The following PANX2 variants were observed in gnomAD, a reference collection of about 807,000 sequenced individuals.
PANX2 encodes pannexin 2.
PANX2 carries 30 observed loss-of-function variants against 38.7 expected under a neutral mutation model. The observed-to-expected ratio is 0.78, with a 90% CI of 0.58 to 1.05. PANX2 has a LOEUF of 1.05. Among genes scored for constraint, PANX2 ranks in the 50% least tolerant of loss-of-function variants. The probability of loss-of-function intolerance (pLI) is 0.00; values close to 1 mark genes in which losing one functional copy is unlikely to be tolerated. For synonymous variants in PANX2, 539 were observed against 472.1 expected (o/e 1.14, Z -1.84); for missense variants, 880 against 979.3 (o/e 0.90, Z 1.35).
chr22:50,175,792 G>A (rs947243932), intron 1 of PANX2, among the ~76,000 whole-genome samples: 1 of 152,266 alleles, frequency 6.6e-6, no homozygotes, highest in African/African-American at 2.4e-5. Context: ...TTGCTGAGCC[G>A]GGTTCAGGGC....
chr22:50,173,447 A>G (rs2063645549), intron 1 of PANX2, among the ~76,000 whole-genome samples: 2 of 152,260 alleles, frequency 1.3e-5, no homozygotes, highest in African/African-American at 4.8e-5. Flanking sequence ...GGCCGAGCGC[A>G]GCCCCTGATG....
chr22:50,176,918 G>A, intron 1 of PANX2, 21 bp from the exon 2 acceptor site: 1 of 1,507,526 alleles, frequency 6.6e-7, no homozygotes, highest in Non-Finnish European at 8.8e-7. Flanking sequence ...GCCCCAGCCC[G>A]TGTCTCCTCT....
At chr22:50,171,884 A>G (rs2063634329) in intron 1 of PANX2, among the ~76,000 whole-genome samples, 2 of 152,136 alleles carry the variant, frequency 1.3e-5, no homozygotes, top group African/African-American at 2.4e-5. Context: ...TCCAAACCTC[A>G]GCAGACCCTG....
In PANX2 at chr22:50,179,200, GC is replaced by G; in HGVS notation, c.1959del (p.Ile654SerfsTer19). 6.2e-7 allele frequency: 1 copy of G among 1,612,680 alleles called. No homozygotes were observed. Among genetic ancestry groups the G allele is most frequent in the Non-Finnish European group, 8.5e-7 (1 of 1,179,896 alleles). On this transcript the variant is annotated frameshift_variant, in exon 3 of 3. Transcript: ENST00000395842. LOFTEE classifies it high-confidence loss of function. ...RLPQDVGDLI[A>X]IPAPQQILIA... ...GCCGCAGGACGTGGGGGACCTCATC[GC>G]CATCCCTGCCCCACAGCAGATCCTC...
In PANX2 at chr22:50,177,029, C is replaced by T. The variant is rs1396812916; in HGVS notation, c.317C>T (p.Ala106Val). ...TACTGCTGGACGGAGCTGCGGGACG[C>T]GCTGCCCGGCGTGGACGCCAGCCTG... ...RGYCWTELRD[A>V]LPGVDASLWP... Residue 106 changes from alanine to valine, a missense_variant, in exon 2 of 3, where the codon GCG (alanine) becomes GTG (valine). Ala to Val is a moderately conservative substitution (Grantham distance 64). Transcript: ENST00000395842. 1.2e-6 allele frequency: 2 copies of T among 1,605,736 alleles called. No homozygotes were observed. Among genetic ancestry groups the T allele is most frequent in the Admixed American group, 1.7e-5 (1 of 59,490 alleles).
rs141940015 is a variant in PANX2, at chr22:50,175,913, C to T, written c.227-1026C>T. Among the ~76,000 whole-genome samples the T allele has an allele frequency of 5.1e-4, 77 of 152,340 alleles. 1 individual carries two copies. The East Asian group carries it at 0.012, about 24-fold the overall frequency. ...CGCTTTCCGTCCCTAATTCAGGCCT[C>T]GGCACAGACGGACAGGCCTGTCCCT... On this transcript the variant is annotated intron_variant, in intron 1 of 2. Transcript: ENST00000395842.
rs1172864152 is a variant in PANX2, at chr22:50,178,323, C to A, written c.1611C>A (p.Pro537=). Residue 537 remains proline (P), a synonymous_variant, in exon 2 of 3, where the codon CCC becomes CCA. Transcript: ENST00000395842. ...CCGAGGCGGTGCCCGCCGCCCTGCC[C>A]GCCTCCCGGAGCCAGGAGGGGGGCT... is the stretch of plus-strand genomic sequence containing the variant. The part of the protein sequence containing the change: ...AKAEAVPAAL[P]ASRSQEGGFL... 6.6e-7 allele frequency: 1 copy of A among 1,510,542 alleles called. No individual in the cohort carries two copies. 93.6% of individuals were successfully genotyped at this position (1,510,542 alleles called of 1,614,324 possible).
At position 50,177,588 on chromosome 22, in the gene PANX2, C is replaced by T. The variant is rs774570424; in HGVS notation, c.876C>T (p.Gly292=). The T allele has an allele frequency of 2.2e-5, 35 of 1,612,646 alleles. No homozygotes were observed. The highest frequency in any genetic ancestry group is 2.8e-5 in the Non-Finnish European group (33 of 1,179,966). ...TGCAACTGCAGCGCATCATCGCGGG[C>T]GTGGACATCGTGCTGCTGTGCGTCA... ...PSVQLQRIIA[G]VDIVLLCVMN... Residue 292 remains glycine, a synonymous_variant, in exon 2 of 3, where the codon GGC becomes GGT. Transcript: ENST00000395842.
Position 50,178,151 on chromosome 22 carries a change from C to A in PANX2, c.1439C>A (p.Ser480Tyr). 6.6e-7 allele frequency: 1 copy of A among 1,518,434 alleles called. No individual in the cohort carries two copies. Among genetic ancestry groups the A allele is most frequent in the Non-Finnish European group, 8.8e-7 (1 of 1,141,046 alleles). 94.1% of individuals were successfully genotyped at this position (1,518,434 alleles called of 1,614,324 possible). The change falls in exon 2 of 3, where the codon TCC (serine) becomes TAC (tyrosine). Residue 480 changes from serine to tyrosine, a missense_variant. Ser to Tyr is a moderately radical substitution (Grantham distance 144). Around this residue, in one of 4 missense-constraint regions of PANX2, gnomAD observed 445 missense variants for 404.3 expected, o/e 1.10. Coordinates refer to ENST00000395842, the MANE Select transcript of PANX2 (RefSeq NM_052839.4). ...DTLIAPLLDR[S>Y]AHHYKGGGGD... ...CTGATCGCGCCGCTGCTGGACCGCT[C>A]CGCCCACCACTACAAGGGCGGAGGG...
rs760730997 is a variant in PANX2 at position 50,179,443 on chromosome 22, C to G, written c.*166C>G. On this transcript the variant is annotated 3_prime_UTR_variant, in exon 3 of 3. Coordinates refer to ENST00000395842, the MANE Select transcript of PANX2 (RefSeq NM_052839.4). ...CCTGGGGCCTTCGCCCCCACGTGCT[C>G]GACAGGGGAACCCGCCCGGACGGCA... 3.1e-6 allele frequency: 2 copies of G among 654,564 alleles called. No individual in the cohort carries two copies. The highest frequency in any genetic ancestry group is 2.6e-6 in the Non-Finnish European group (1 of 392,012). 40.5% of individuals were successfully genotyped at this position (654,564 alleles called of 1,614,324 possible). A position where few individuals can be genotyped will look rare whatever the true frequency, so the allele number is the denominator to read the frequency against.
chr22:50,174,585 A>G (rs2063652303), intron 1 of PANX2, among the ~76,000 whole-genome samples: 1 of 152,184 alleles, frequency 6.6e-6, no homozygotes, highest in South Asian at 2.1e-4. Flanking sequence ...CAGGATCCAC[A>G]CAGCAATGTC....
chr22:50,171,085 C>A (rs2063627246), intron 1 of PANX2, 129 bp downstream of exon 1: 1 of 395,622 alleles, frequency 2.5e-6, no homozygotes. Flanking sequence ...GCGTCCGCGG[C>A]GTCCCAGGCA....
At position 50,178,047 on chromosome 22, in the gene PANX2, G is replaced by T; in HGVS notation, c.1335G>T (p.Glu445Asp). ...ACCCGCTTCCGCAGCCCTTCAAGGAGCCGCTGGCCATCATGCGCGTGGAGA... is the reference window on the plus strand; with the variant it reads ...ACCCGCTTCCGCAGCCCTTCAAGGATCCGCTGGCCATCATGCGCGTGGAGA... The part of the protein sequence containing the change: ...TSNPLPQPFK[E>D]PLAIMRVENS... The change falls in exon 2 of 3, where the codon GAG (glutamate) becomes GAT (aspartate). Residue 445 changes from glutamate (E) to aspartate (D), a missense_variant. Transcript: ENST00000395842. 6.4e-7 allele frequency: 1 copy of T among 1,552,110 alleles called. No homozygotes were observed. The highest frequency in any genetic ancestry group is 2.4e-5 in the East Asian group (1 of 41,922).
chr22:50,176,053 G>A (rs1287789389), intron 1 of PANX2, among the ~76,000 whole-genome samples: 1 of 152,208 alleles, frequency 6.6e-6, no homozygotes, highest in Non-Finnish European at 1.5e-5. Flanking sequence ...CCTGTGCTGT[G>A]TGAAGGGCTC....
intron 1 of PANX2, among the ~76,000 whole-genome samples, chr22:50,173,978 G>A (rs898715740): frequency 1.3e-4 from 20 of 152,130 alleles, no homozygotes; most frequent in Admixed American, 5.9e-4. Flanking sequence ...CACAGGCTCC[G>A]GGGTTGGGAT....
At chr22:50,172,525 T>C (rs1267388914) in intron 1 of PANX2, among the ~76,000 whole-genome samples, 1 of 149,380 alleles carries the variant, frequency 6.7e-6, no homozygotes, top group East Asian at 2.0e-4. Flanking sequence ...CGGGCTCAGG[T>C]GTTCTTCCTG....
At chr22:50,173,255 T>A (rs1208466302) in intron 1 of PANX2, among the ~76,000 whole-genome samples, 1 of 152,138 alleles carries the variant, frequency 6.6e-6, no homozygotes. Flanking sequence ...CTGGTCTCGA[T>A]CTCCTGATCT....
At chr22:50,176,016 A>G (rs948759757) in intron 1 of PANX2, among the ~76,000 whole-genome samples, 1 of 152,196 alleles carries the variant, frequency 6.6e-6, no homozygotes, top group Non-Finnish European at 1.5e-5. Context: ...CTGGGAGACA[A>G]GGCTGAGGCT....
At chr22:50,176,193 C>G (rs192249600) in intron 1 of PANX2, among the ~76,000 whole-genome samples, 1 of 152,256 alleles carries the variant, frequency 6.6e-6, no homozygotes, top group Non-Finnish European at 1.5e-5. Context: ...CTTTCACTGC[C>G]GTTCGTGTCA....
Sources: allele counts gnomAD v4.1 joint callset (sites outside exome capture counted in the v4.1 genomes callset), GRCh38; gene constraint gnomAD v4.1.1; regional missense constraint gnomAD v4.1.1; transcripts MANE v1.5; gene names NCBI Gene and HGNC (gene_info 2026-07-23, HGNC 2026-07-21).